CDYL: variants seen among roughly 807,000 people sequenced by gnomAD.
The protein encoded by CDYL is chromodomain Y-like protein.
Under a neutral mutation model 47.3 loss-of-function variants are expected in CDYL, and 8 were observed. That is an observed-to-expected ratio of 0.17 (90% CI 0.10 to 0.31). The LOEUF (loss-of-function observed/expected upper bound fraction) is 0.31. CDYL is among the 10% of genes least tolerant of loss of function. The probability of loss-of-function intolerance (pLI) is 1.00; values close to 1 mark genes in which losing one functional copy is unlikely to be tolerated. For missense variants in CDYL, 471 were observed against 701.4 expected (o/e 0.67, Z 3.71); for synonymous variants, 266 against 265.0 (o/e 1.00, Z -0.04).
chr6:4,770,115 G>T (rs1052313601), intron 3 of CDYL, among the ~76,000 whole-genome samples: 1 of 152,112 alleles, frequency 6.6e-6, no homozygotes, highest in Non-Finnish European at 1.5e-5. Context: ...GGGATTACAG[G>T]CGTGAGCCAT....
chr6:4,744,009 C>A (rs1757842551), intron 3 of CDYL, among the ~76,000 whole-genome samples: 4 of 152,128 alleles, frequency 2.6e-5, no homozygotes, highest in Admixed American at 2.6e-4. Flanking sequence ...GATGTAGTTT[C>A]TCATAAGGAG....
chr6:4,918,000 A>C (rs960820607), intron 2 of CDYL, among the ~76,000 whole-genome samples: 2 of 152,212 alleles, frequency 1.3e-5, no homozygotes, highest in African/African-American at 4.8e-5. Context: ...TCTACCCAAG[A>C]TAGTATCTTC....
chr6:4,734,932 C>G (rs531232710), intron 3 of CDYL: 4 of 1,562,802 alleles, frequency 2.6e-6, no homozygotes, highest in Non-Finnish European at 3.5e-6. Flanking sequence ...CACACTCTCC[C>G]TTTACATCTG....
chr6:4,809,144 A>ATTATC (rs1759455070), intron 1 of CDYL, among the ~76,000 whole-genome samples: 1 of 152,150 alleles, frequency 6.6e-6, no homozygotes, highest in Non-Finnish European at 1.5e-5. Flanking sequence ...ACAGATACAT[A>ATTATC]TGTATTTTAT....
chr6:4,777,707 T>C (rs1758508289), intron 1 of CDYL, among the ~76,000 whole-genome samples: 1 of 152,118 alleles, frequency 6.6e-6, no homozygotes, highest in Non-Finnish European at 1.5e-5. Context: ...GACCTGGGTG[T>C]TGAGGGACTT....
chr6:4,902,510 G>A (rs1017067921), intron 2 of CDYL, among the ~76,000 whole-genome samples: 1 of 152,088 alleles, frequency 6.6e-6, no homozygotes, highest in Non-Finnish European at 1.5e-5. Flanking sequence ...ACAGTACACA[G>A]TCATCCTCCC....
At chr6:4,709,751 T>C (rs747621438) in intron 1 of CDYL, among the ~76,000 whole-genome samples, 1 of 152,306 alleles carries the variant, frequency 6.6e-6, no homozygotes, top group South Asian at 2.1e-4. Flanking sequence ...TTGTCACCTA[T>C]TACATATAAA....
chr6:4,889,301 C>A (rs573646584), intron 1 of CDYL, among the ~76,000 whole-genome samples: 2 of 151,866 alleles, frequency 1.3e-5, no homozygotes, highest in Non-Finnish European at 1.5e-5. Context: ...CTTGGCTCAC[C>A]GCAACCTCCA....
Position 4,757,829 on chromosome 6 carries a change from G to A in CDYL, c.186+22985G>A, listed in dbSNP as rs1425769154. Among the ~76,000 whole-genome samples the A allele has an allele frequency of 3.9e-5, 6 of 152,100 alleles. No homozygotes were observed. In the East Asian group the frequency reaches 1.2e-3, roughly 29 times the overall value. ...AGGCAGGAGGATTACTTGAGCCTAG[G>A]AGTTGTAGACCAGCCTGGGCAACAT... On this transcript the variant is annotated intron_variant, in intron 3 of 8. Coordinates refer to the CDYL transcript ENST00000328908.
intron 1 of CDYL, among the ~76,000 whole-genome samples, chr6:4,851,862 G>A (rs1378868842): frequency 3.9e-5 from 6 of 152,160 alleles, no homozygotes; most frequent in African/African-American, 9.7e-5. Flanking sequence ...GAATCTACCA[G>A]CCCCCAGTTG....
chr6:4,914,256 C>T (rs1757493977), intron 2 of CDYL, among the ~76,000 whole-genome samples: 1 of 142,596 alleles, frequency 7.0e-6, no homozygotes. Context: ...AGTAGATCAA[C>T]AGGGTTTGCT....
At chr6:4,781,451 C>G (rs1410867237) in intron 1 of CDYL, among the ~76,000 whole-genome samples, 1 of 152,186 alleles carries the variant, frequency 6.6e-6, no homozygotes, top group African/African-American at 2.4e-5. Flanking sequence ...AAAAAGAGTT[C>G]ATTTGACTTC....
At chr6:4,912,330 G>A (rs898693007) in intron 2 of CDYL, among the ~76,000 whole-genome samples, 2 of 152,196 alleles carry the variant, frequency 1.3e-5, no homozygotes, top group Non-Finnish European at 2.9e-5. Flanking sequence ...TAACACGGCC[G>A]CTTCTCATTT....
intron 1 of CDYL, among the ~76,000 whole-genome samples, chr6:4,779,637 A>G (rs2127429590): frequency 6.6e-6 from 1 of 152,274 alleles, no homozygotes. Flanking sequence ...GATGGAATAG[A>G]TTTACTCCCT....
intron 2 of CDYL, among the ~76,000 whole-genome samples, chr6:4,730,504 G>A (rs1011822875): frequency 4.0e-5 from 6 of 151,740 alleles, no homozygotes; most frequent in Non-Finnish European, 7.4e-5. Flanking sequence ...GTGAAACCCC[G>A]TCTCTACTAA....
chr6:4,812,849 T>G (rs1457142661), intron 1 of CDYL, among the ~76,000 whole-genome samples: 7 of 152,228 alleles, frequency 4.6e-5, no homozygotes, highest in African/African-American at 1.7e-4. Flanking sequence ...TTTACTTGTC[T>G]TCTTCTGTCC....
chr6:4,742,938 C>T (rs1446458194), intron 3 of CDYL, among the ~76,000 whole-genome samples: 1 of 152,206 alleles, frequency 6.6e-6, no homozygotes, highest in Non-Finnish European at 1.5e-5. Context: ...GCAGGCCAAG[C>T]TTGAGGTTTC....
chr6:4,905,304 T>C (rs531057662), intron 2 of CDYL, among the ~76,000 whole-genome samples: 62 of 152,336 alleles, frequency 4.1e-4, no homozygotes, highest in African/African-American at 1.4e-3. Context: ...TTCATTGGTC[T>C]TTGACACTCC....
At chr6:4,877,430 C>T (rs1158871548) in intron 1 of CDYL, among the ~76,000 whole-genome samples, 2 of 152,026 alleles carry the variant, frequency 1.3e-5, no homozygotes, top group Non-Finnish European at 2.9e-5. Flanking sequence ...ACAAGGATGA[C>T]GTTGGTTTGC....
Sources: allele counts gnomAD v4.1 joint callset (sites outside exome capture counted in the v4.1 genomes callset), GRCh38; gene constraint gnomAD v4.1.1; transcripts MANE v1.5; gene names NCBI Gene and HGNC (gene_info 2026-07-23, HGNC 2026-07-21).